The following MST1R variants were observed in gnomAD, a reference collection of about 807,000 sequenced individuals.
MST1R encodes macrophage stimulating 1 receptor.
In MST1R, 99 loss-of-function variants were observed where a neutral mutation model predicts 117.8. The ratio of observed to expected loss-of-function variants is 0.84; its 90% CI spans 0.71 to 0.99. The LOEUF is 0.99. Ranked by LOEUF, MST1R falls within the 50% of genes least tolerant of loss-of-function variation. The pLI is 0.00. For synonymous variants in MST1R, 734 were observed against 765.3 expected, an observed-to-expected ratio of 0.96 and a Z score of 0.68; for missense variants, 1,683 against 1,840.2, an observed-to-expected ratio of 0.91 and a Z score of 1.56.
Position 49,898,614 on chromosome 3 carries a change from A to G in MST1R, c.1623T>C (p.His541=). 2 of 1,614,180 alleles carry G rather than the reference A, an allele frequency of 1.2e-6. No individual in the cohort carries two copies. The highest frequency in any genetic ancestry group is 1.7e-6 in the Non-Finnish European group (2 of 1,180,032). ...TCCCACACCAGCCACAGCCCATGAAATGCCATGCCCTTAGGCAACGCCCAC... is the reference window on the plus strand; with the variant it reads ...TCCCACACCAGCCACAGCCCATGAAGTGCCATGCCCTTAGGCAACGCCCAC... ...LTCGRCLRAW[H]FMGCGWCGNM... is the part of the protein sequence containing the mutation. The change falls in exon 4 of 20, where the codon CAT becomes CAC. Residue 541 remains histidine, a synonymous_variant. Coordinates refer to ENST00000296474, the MANE Select transcript of MST1R (RefSeq NM_002447.4).
rs758558128 is a variant in MST1R at position 49,894,812 on chromosome 3, AT to A, written c.3271+354del. 5.6e-3 allele frequency among the ~76,000 whole-genome samples: 797 copies of A among 141,718 alleles called. 3 individuals carry two copies. The highest frequency in any genetic ancestry group is 0.015 in the African/African-American group (578 of 38,976). The allele number at this position is 141,718 out of a possible 152,430, so 93.0% of individuals were successfully genotyped here. A position where few individuals can be genotyped will look rare whatever the true frequency, so the allele number is the denominator to read the frequency against. On this transcript the variant is annotated intron_variant, in intron 14 of 19. Transcript: ENST00000296474. The stretch of plus-strand genomic sequence containing the variant: ...TCCAACTGTCCCTTTAGCCCATGTC[AT>A]TTTTTTTTTTTTTGAGAAGGAGTCT...
Position 49,902,861 on chromosome 3 carries a change from A to G in MST1R, c.749T>C (p.Val250Ala), listed in dbSNP as rs762213233. The G allele has an allele frequency of 6.2e-7, 1 of 1,613,622 alleles. No homozygotes were observed. The highest frequency in any genetic ancestry group is 8.5e-7 in the Non-Finnish European group (1 of 1,180,046). ...GAAGGCTCCCGTGTGGAAGCTGTGC[A>G]CGTATTCAATACTGTAGGAGACAAG... Reference protein sequence around the residue: ...KHLVSYSIEYVHSFHTGAFVY... With the variant: ...KHLVSYSIEYAHSFHTGAFVY... Residue 250 changes from valine (V) to alanine (A), a missense_variant, in exon 1 of 20, where the codon GTG becomes GCG. Coordinates refer to ENST00000296474, the MANE Select transcript of MST1R (RefSeq NM_002447.4).
In MST1R at chr3:49,903,810, C is replaced by A; in HGVS notation, c.-201G>T. 1.5e-6 allele frequency: 1 copy of A among 658,854 alleles called. No homozygotes were observed. The highest frequency in any genetic ancestry group is 2.4e-6 in the Non-Finnish European group (1 of 409,138). The allele number at this position is 658,854 out of a possible 1,614,324, so 40.8% of individuals were successfully genotyped here. A position where few individuals can be genotyped will look rare whatever the true frequency, so the allele number is the denominator to read the frequency against. On this transcript the variant is annotated 5_prime_UTR_variant, in exon 1 of 20. The change creates a new upstream start codon in the 5' untranslated region. Transcript: ENST00000296474. ...GCCCTCGGGTCTGAGCACCTGACGCCTGCGGACGCACGACAGCAACGCCCC... is the reference window on the plus strand; with the variant it reads ...GCCCTCGGGTCTGAGCACCTGACGCATGCGGACGCACGACAGCAACGCCCC...
intron 17 of MST1R, 46 bp downstream of exon 17, chr3:49,891,151 T>A: frequency 6.4e-7 from 1 of 1,567,104 alleles, no homozygotes; most frequent in Non-Finnish European, 8.8e-7. Flanking sequence ...CCGCACACCC[T>A]CATGCCCTGT....
intron 14 of MST1R, among the ~76,000 whole-genome samples, chr3:49,893,655 T>A (rs2082379260): frequency 6.7e-6 from 1 of 149,472 alleles, no homozygotes; most frequent in African/African-American, 2.5e-5. Context: ...ATCCCAGCAC[T>A]TTGGGAGGCT....
chr3:49,903,433 C>T lies in MST1R; in HGVS notation c.177G>A (p.Val59=), dbSNP rs1400600850. The T allele has an allele frequency of 1.9e-6, 3 of 1,613,736 alleles. No individual in the cohort carries two copies. In the African/African-American group the frequency reaches 4.0e-5, roughly 22 times the overall value. The change falls in exon 1 of 20, where the codon GTG becomes GTA. Residue 59 remains valine, a synonymous_variant. Coordinates refer to ENST00000296474, the MANE Select transcript of MST1R (RefSeq NM_002447.4). ...FSAGGLVQAM[V]TYEGDRNESA... is the part of the protein sequence containing the mutation. ...TCTCATTTCTGTCGCCCTCGTAGGT[C>T]ACCATGGCCTGTACCAGGCCTCCGG...
chr3:49,892,126 G>A (rs567905317), intron 14 of MST1R, among the ~76,000 whole-genome samples: 1 of 151,636 alleles, frequency 6.6e-6, no homozygotes, highest in African/African-American at 2.4e-5. Flanking sequence ...ACTACACACA[G>A]CTAATTTTTT....
intron 1 of MST1R, 116 bp downstream of exon 1, chr3:49,902,264 T>G (rs984480812): frequency 7.1e-7 from 1 of 1,410,136 alleles, no homozygotes; most frequent in African/African-American, 1.4e-5. Flanking sequence ...AGAGAATGCT[T>G]CTTTCCGCCT....
rs140399231 is a variant in MST1R, at chr3:49,903,357, G to C, written c.253C>G (p.Leu85Val). 28 of 1,613,738 alleles carry C rather than the reference G, an allele frequency of 1.7e-5. No homozygotes were observed. Among genetic ancestry groups the C allele is most frequent in the Admixed American group, 1.3e-4 (8 of 60,018 alleles). ...RNRLHVLGPD[L>V]KSVQSLATGP... Reference sequence around the variant, plus strand: ...GTGGCCAGGCTCTGGACAGACTTCAGGTCAGGCCCAAGCACATGCAGGCGA... The same window carrying C: ...GTGGCCAGGCTCTGGACAGACTTCACGTCAGGCCCAAGCACATGCAGGCGA... Residue 85 changes from leucine (L) to valine (V), a missense_variant, in exon 1 of 20, where the codon CTG (leucine) becomes GTG (valine). Physicochemically the swap from Leu to Val is conservative, Grantham distance 32. Transcript: ENST00000296474.
chr3:49,895,420 TAGCTTCTC>T lies in MST1R; in HGVS notation c.3064+19_3064+26del. ...AGCTTGTAGGGACAGGGGGTGGCTT[TAGCTTCTC>T]ATGCCTCCACTATCTCACCAAGGCC... On this transcript the variant is annotated intron_variant, in intron 13 of 19. Coordinates refer to ENST00000296474, the MANE Select transcript of MST1R (RefSeq NM_002447.4). 6 of 1,614,042 alleles carry T rather than the reference TAGCTTCTC, an allele frequency of 3.7e-6. No homozygotes were observed. The highest frequency in any genetic ancestry group is 1.6e-4 in the Middle Eastern group (1 of 6,062).
Position 49,897,341 on chromosome 3 carries a change from T to C in MST1R, c.2122A>G (p.Ser708Gly). Reference protein sequence around the residue: ...GGTCLTLEGQSLSVGTSRAVL... With the variant: ...GGTCLTLEGQGLSVGTSRAVL... ...GCCCGGCTGGTGCCTACAGACAGAC[T>C]CTGGCCTTCAAGAGTGAGACAGGTG... The change falls in exon 7 of 20, where the codon AGT becomes GGT. Residue 708 changes from serine to glycine, a missense_variant. By Grantham distance (56) the Ser-to-Gly change is moderately conservative. Coordinates refer to ENST00000296474, the MANE Select transcript of MST1R (RefSeq NM_002447.4). 1 of 1,613,830 alleles carries C rather than the reference T, an allele frequency of 6.2e-7. No individual in the cohort carries two copies. The highest frequency in any genetic ancestry group is 8.5e-7 in the Non-Finnish European group (1 of 1,179,964).
chr3:49,899,057 G>A lies in MST1R; in HGVS notation c.1419+18C>T, dbSNP rs2082579202. On this transcript the variant is annotated intron_variant, in intron 2 of 19. Coordinates refer to ENST00000296474, the MANE Select transcript of MST1R (RefSeq NM_002447.4). Reference sequence around the variant, plus strand: ...GACAAGGACCCAGGGCTAGGGGACTGTGGGGATGAGGACCCACCTGCAGGA... The same window carrying A: ...GACAAGGACCCAGGGCTAGGGGACTATGGGGATGAGGACCCACCTGCAGGA... 6.2e-7 allele frequency: 1 copy of A among 1,614,138 alleles called. No homozygotes were observed. The highest frequency in any genetic ancestry group is 2.2e-5 in the East Asian group (1 of 44,888).
At position 49,893,042 on chromosome 3, in the gene MST1R, G is replaced by C. The variant is rs868344758; in HGVS notation, c.3272-1204C>G. On this transcript the variant is annotated intron_variant, in intron 14 of 19. Transcript: ENST00000296474. ...GCCTGTAATCCCAGCACTTCGGGAG[G>C]CCGAGGCGGGCGGATCACCTGAGGT... Among the ~76,000 whole-genome samples, 17 of 151,030 alleles carry C rather than the reference G, an allele frequency of 1.1e-4. No individual in the cohort carries two copies. In the South Asian group the frequency reaches 3.1e-3, roughly 28 times the overall value.
At chr3:49,899,288 G>A (rs779419334) in intron 1 of MST1R, 25 bp from the exon 2 acceptor site, 1 of 1,612,978 alleles carries the variant, frequency 6.2e-7, no homozygotes, top group South Asian at 1.1e-5. Context: ...GGAAGGGAAG[G>A]AGTCAGGGTT....
chr3:49,902,946 T>C lies in MST1R; in HGVS notation c.664A>G (p.Lys222Glu), dbSNP rs1292256966. Residue 222 changes from lysine (K) to glutamate (E), a missense_variant, in exon 1 of 20, where the codon AAG becomes GAG. Coordinates refer to ENST00000296474, the MANE Select transcript of MST1R (RefSeq NM_002447.4). The stretch of plus-strand genomic sequence containing the variant: ...GGTGCGAATCCCGAGGCGTCAGCCT[T>C]GAGACGCCTGATAGACACTGAGCGT... ...SPRSVSIRRL[K>E]ADASGFAPGF... 6.2e-6 allele frequency: 10 copies of C among 1,613,094 alleles called. No individual in the cohort carries two copies. The Admixed American group carries it at 6.7e-5, about 11-fold the overall frequency.
rs1386311021 is a variant in MST1R at position 49,902,899 on chromosome 3, C to T, written c.711G>A (p.Val237=). Reference sequence around the variant, plus strand: ...TGTAGGAGACAAGATGCTTGGGCAGCACTGACAACGCCACAAAGCCCGGTG... The same window carrying T: ...TGTAGGAGACAAGATGCTTGGGCAGTACTGACAACGCCACAAAGCCCGGTG... The part of the protein sequence containing the change: ...GFAPGFVALS[V]LPKHLVSYSI... Residue 237 remains valine (V), a synonymous_variant, in exon 1 of 20, where the codon GTG becomes GTA. Transcript: ENST00000296474. 1.2e-6 allele frequency: 2 copies of T among 1,613,534 alleles called. No homozygotes were observed. Among genetic ancestry groups the T allele is most frequent in the Admixed American group, 1.7e-5 (1 of 60,036 alleles).
rs2082194429 is a variant in MST1R, at chr3:49,887,393, C to T, written c.4117G>A (p.Val1373Met). The T allele has an allele frequency of 1.9e-6, 3 of 1,614,248 alleles. No homozygotes were observed. The highest frequency in any genetic ancestry group is 2.5e-6 in the Non-Finnish European group (3 of 1,180,044). ...LGPSTSHEMNVRPEQPQFSPM... is the reference protein window; with the variant it reads ...LGPSTSHEMNMRPEQPQFSPM... ...GAGAACTGCGGCTGTTCTGGACGCA[C>T]ATTCATCTCATGCGAGGTGCTGGGG... is the stretch of plus-strand genomic sequence containing the variant. Residue 1373 changes from valine (V) to methionine (M), a missense_variant, in exon 20 of 20, where the codon GTG becomes ATG. By Grantham distance (21) the Val-to-Met change is conservative (BLOSUM62 1). Transcript: ENST00000296474.
intron 4 of MST1R, 59 bp downstream of exon 4, chr3:49,898,459 C>A: frequency 6.3e-7 from 1 of 1,576,398 alleles, no homozygotes; most frequent in Admixed American, 1.8e-5. Context: ...GACTTGCTGA[C>A]CACCACCCCA....
chr3:49,890,679 G>T (rs752701311), intron 17 of MST1R, 29 bp from the exon 18 acceptor site: 1 of 1,586,216 alleles, frequency 6.3e-7, no homozygotes, highest in Admixed American at 1.7e-5. Context: ...ATCACACTTA[G>T]GACTGGCCCT....
Sources: allele counts gnomAD v4.1 joint callset (sites outside exome capture counted in the v4.1 genomes callset), GRCh38; gene constraint gnomAD v4.1.1; transcripts MANE v1.5; gene names NCBI Gene and HGNC (gene_info 2026-07-23, HGNC 2026-07-21).